The following MYO1H variants were observed in gnomAD, a reference collection of about 807,000 sequenced individuals.
MYO1H encodes the protein unconventional myosin-Ih.
Under a neutral mutation model 149.3 loss-of-function variants are expected in MYO1H, and 118 were observed. The observed-to-expected ratio is 0.79, with a 90% CI of 0.68 to 0.92. The LOEUF (loss-of-function observed/expected upper bound fraction) is 0.92, where lower values mean the gene tolerates loss of function less well. MYO1H is among the 40% of genes least tolerant of loss of function. The pLI is 0.00. For missense variants in MYO1H, 1,212 were observed against 1,280.7 expected, an observed-to-expected ratio of 0.95 and a Z score of 0.82; for synonymous variants, 447 against 465.2, an observed-to-expected ratio of 0.96 and a Z score of 0.50.
At chr12:109,386,929 TG>T (rs1254828952) in intron 1 of MYO1H, among the ~76,000 whole-genome samples, 5 of 152,044 alleles carry the variant, frequency 3.3e-5, no homozygotes, top group Non-Finnish European at 7.4e-5. Flanking sequence ...ATGGTCCCCT[TG>T]TTTACTTCCA....
intron 1 of MYO1H, among the ~76,000 whole-genome samples, chr12:109,382,784 G>C (rs904051624): frequency 1.3e-5 from 2 of 150,934 alleles, no homozygotes; most frequent in Non-Finnish European, 2.9e-5. Context: ...TGTATATTGA[G>C]TTTGTTGTAC....
chr12:109,337,680 G>A, the MYO1H span, among the ~76,000 whole-genome samples: 1 of 152,130 alleles, frequency 6.6e-6, no homozygotes, highest in Non-Finnish European at 1.5e-5. Flanking sequence ...CCCATCACAC[G>A]TGGGGATTAT....
At position 109,356,394 on chromosome 12, in the gene MYO1H, T is replaced by G. The variant is rs1204213708; in HGVS notation, c.12+8422T>G. On this transcript the variant is annotated intron_variant, in intron 1 of 31. Transcript: ENST00000310903. ...AGCCCTTTCTGTTTGTTTTTGTTTT[T>G]TTTTTGTTTTTTTACAAGATCAGCT... 1.1e-4 allele frequency among the ~76,000 whole-genome samples: 17 copies of G among 152,156 alleles called. No individual in the cohort carries two copies. In the East Asian group the frequency reaches 2.9e-3, roughly 26 times the overall value.
intron 1 of MYO1H, among the ~76,000 whole-genome samples, chr12:109,385,585 C>T (rs540548559): frequency 1.3e-5 from 2 of 152,282 alleles, no homozygotes; most frequent in East Asian, 1.9e-4. Flanking sequence ...GAGCCTACCA[C>T]GCCCAGCCTG....
chr12:109,364,196 AAAG>A (rs1464156963), intron 1 of MYO1H, among the ~76,000 whole-genome samples: 9 of 150,678 alleles, frequency 6.0e-5, no homozygotes, highest in South Asian at 2.1e-4. Context: ...AAAAAAAAAA[AAAG>A]AAGTGGGAAC....
chr12:109,411,646 GA>G (rs1870676850), intron 13 of MYO1H, among the ~76,000 whole-genome samples: 1 of 152,186 alleles, frequency 6.6e-6, no homozygotes, highest in Non-Finnish European at 1.5e-5. Context: ...GGAAGACTTT[GA>G]GTCAGATGGT....
intron 5 of MYO1H, among the ~76,000 whole-genome samples, chr12:109,400,522 C>T (rs374029265): frequency 1.3e-5 from 2 of 152,106 alleles, no homozygotes; most frequent in Non-Finnish European, 2.9e-5. Flanking sequence ...GTTGTCAATT[C>T]TTTCCTATTG....
the MYO1H span, among the ~76,000 whole-genome samples, chr12:109,333,544 G>C: frequency 6.6e-6 from 1 of 152,022 alleles, no homozygotes; most frequent in African/African-American, 2.4e-5. Context: ...TTGTCTCTAA[G>C]AGATGAACTG....
chr12:109,320,510 G>A, the MYO1H span, among the ~76,000 whole-genome samples: 1 of 140,420 alleles, frequency 7.1e-6, no homozygotes, highest in Non-Finnish European at 1.5e-5. Flanking sequence ...TGTAATCTCA[G>A]CTATTTGGGA....
At chr12:109,340,006 C>T in the MYO1H span, among the ~76,000 whole-genome samples, 1 of 152,208 alleles carries the variant, frequency 6.6e-6, no homozygotes, top group South Asian at 2.1e-4. Context: ...GTCTTAGAGT[C>T]AGATTACAGC....
At chr12:109,368,982 CATG>C (rs1337569855) in intron 1 of MYO1H, among the ~76,000 whole-genome samples, 2 of 150,952 alleles carry the variant, frequency 1.3e-5, no homozygotes, top group Admixed American at 1.3e-4. Context: ...CTGCAAAGGA[CATG>C]ATTTCTTTCT....
upstream of MYO1H, among the ~76,000 whole-genome samples, chr12:109,345,722 G>A (rs1276288763): frequency 6.6e-6 from 1 of 152,126 alleles, no homozygotes; most frequent in East Asian, 1.9e-4. Flanking sequence ...ATCAACTGAT[G>A]GATAAACAAA....
intron 24 of MYO1H, among the ~76,000 whole-genome samples, chr12:109,440,191 A>G (rs1044627366): frequency 6.6e-6 from 1 of 152,064 alleles, no homozygotes; most frequent in Non-Finnish European, 1.5e-5. Context: ...GCCCGCCACC[A>G]TGCCTGGCTA....
At chr12:109,368,472 G>A (rs1395951466) in intron 1 of MYO1H, among the ~76,000 whole-genome samples, 2 of 152,004 alleles carry the variant, frequency 1.3e-5, no homozygotes, top group African/African-American at 4.8e-5. Flanking sequence ...CCTGGGCAAC[G>A]TGGTGAAACC....
At chr12:109,434,095 C>T (rs1349236924) in intron 20 of MYO1H, among the ~76,000 whole-genome samples, 8 of 152,100 alleles carry the variant, frequency 5.3e-5, no homozygotes, top group South Asian at 4.1e-4. Context: ...CTGTAACCTC[C>T]GCTTCCTGGG....
At chr12:109,408,600 AT>A (rs1870500647) in intron 10 of MYO1H, among the ~76,000 whole-genome samples, 1 of 152,198 alleles carries the variant, frequency 6.6e-6, no homozygotes, top group Admixed American at 6.6e-5. Flanking sequence ...TTCAAGTGGA[AT>A]TATTTAAATA....
chr12:109,410,813 A>G (rs549838503), intron 13 of MYO1H, 45 bp downstream of exon 13: 93 of 1,293,856 alleles, frequency 7.2e-5, no homozygotes, highest in South Asian at 6.6e-4. Context: ...CCCGGCACTT[A>G]CAACTCTTGG....
At chr12:109,350,903 A>G (rs1427126024) in intron 1 of MYO1H, among the ~76,000 whole-genome samples, 1 of 152,246 alleles carries the variant, frequency 6.6e-6, no homozygotes, top group African/African-American at 2.4e-5. Flanking sequence ...TTAGAGCACA[A>G]TATCTAAACC....
intron 1 of MYO1H, among the ~76,000 whole-genome samples, chr12:109,386,032 C>T (rs1177043373): frequency 6.6e-6 from 1 of 152,316 alleles, no homozygotes; most frequent in Middle Eastern, 3.4e-3. Flanking sequence ...GACAACTCCT[C>T]AACTAGGCAA....
Sources: allele counts gnomAD v4.1 joint callset (sites outside exome capture counted in the v4.1 genomes callset), GRCh38; gene constraint gnomAD v4.1.1; transcripts MANE v1.5; gene names NCBI Gene and HGNC (gene_info 2026-07-23, HGNC 2026-07-21).